The following ATP2C2 variants were observed in gnomAD, a reference collection of about 807,000 sequenced individuals.
The protein encoded by ATP2C2 is ATPase secretory pathway Ca2+ transporting 2, also known as calcium-transporting ATPase type 2C member 2.
In ATP2C2, 171 loss-of-function variants were observed where a neutral mutation model predicts 110.8. The ratio of observed to expected loss-of-function variants is 1.54; its 90% CI spans 1.36 to 1.75. ATP2C2 has a LOEUF of 1.75. ATP2C2 is among the 40% of genes most tolerant of loss of function. ATP2C2 has a pLI of 0.00. For synonymous variants in ATP2C2, 804 were observed against 508.4 expected, an observed-to-expected ratio of 1.58 and a Z score of -7.82; for missense variants, 1,963 against 1,235.0, an observed-to-expected ratio of 1.59 and a Z score of -8.84.
chr16:84,439,952 A>G (rs555687457), intron 13 of ATP2C2, among the ~76,000 whole-genome samples: 3 of 152,296 alleles, frequency 2.0e-5, no homozygotes, highest in Admixed American at 2.0e-4. Context: ...CTCCTGCCTC[A>G]GCTTCCCAAG....
rs778671429 is a variant in ATP2C2 at position 84,410,623 on chromosome 16, C to T, written c.453+20C>T. On this transcript the variant is annotated intron_variant, in intron 5 of 26. Coordinates refer to ENST00000262429, the MANE Select transcript of ATP2C2 (RefSeq NM_014861.4). ...ATCCAGGTGAGTATTTCCTGAGGTC[C>T]CAGTCAGGGTAAGCTGGGCGGGACA... is the stretch of plus-strand genomic sequence containing the variant. 8.1e-6 allele frequency: 13 copies of T among 1,613,886 alleles called. No homozygotes were observed. Among genetic ancestry groups the T allele is most frequent in the Non-Finnish European group, 1.1e-5 (13 of 1,179,950 alleles).
At chr16:84,453,101 G>A (rs1365472698) in intron 18 of ATP2C2, 37 bp from the exon 19 acceptor site, 6 of 1,569,822 alleles carry the variant, frequency 3.8e-6, no homozygotes, top group Non-Finnish European at 5.2e-6. Context: ...GGGGACGCGG[G>A]CCTCAGAGCA....
rs1452240213 is a variant in ATP2C2 at position 84,400,927 on chromosome 16, C to T, written c.210+2318C>T. On this transcript the variant is annotated intron_variant, in intron 2 of 26. Coordinates refer to ENST00000262429, the MANE Select transcript of ATP2C2 (RefSeq NM_014861.4). ...TTAAAAACAGATTATTAGGTTTTCTCCTATAGAGTTGTTTGAGCTCTTTAT... is the reference window on the plus strand; with the variant it reads ...TTAAAAACAGATTATTAGGTTTTCTTCTATAGAGTTGTTTGAGCTCTTTAT... Among the ~76,000 whole-genome samples the T allele has an allele frequency of 2.0e-5, 3 of 152,166 alleles. No homozygotes were observed. The South Asian group carries it at 6.2e-4, about 32-fold the overall frequency.
intron 7 of ATP2C2, among the ~76,000 whole-genome samples, chr16:84,418,209 G>A (rs1907006640): frequency 6.6e-6 from 1 of 152,234 alleles, no homozygotes; most frequent in African/African-American, 2.4e-5. Context: ...TGAGCCCTGT[G>A]TGTGGGAGAT....
intron 6 of ATP2C2, among the ~76,000 whole-genome samples, chr16:84,411,155 C>T (rs1028328936): frequency 6.6e-5 from 10 of 152,050 alleles, no homozygotes; most frequent in Non-Finnish European, 1.0e-4. Flanking sequence ...GAGTGAGATC[C>T]AGGTCTTTAA....
intron 1 of ATP2C2, among the ~76,000 whole-genome samples, chr16:84,396,922 A>G (rs1905020714): frequency 2.0e-5 from 3 of 151,888 alleles, no homozygotes; most frequent in South Asian, 2.1e-4. Flanking sequence ...CAGCTTTTCT[A>G]AGCAAATAGG....
intron 13 of ATP2C2, among the ~76,000 whole-genome samples, chr16:84,440,137 C>A (rs553521995): frequency 2.8e-4 from 42 of 152,240 alleles, no homozygotes; most frequent in Admixed American, 6.5e-4. Context: ...CACGCCCAGC[C>A]TGTTTTATTT....
intron 15 of ATP2C2, among the ~76,000 whole-genome samples, chr16:84,444,756 A>T (rs948280382): frequency 3.9e-5 from 6 of 152,156 alleles, no homozygotes; most frequent in African/African-American, 7.2e-5. Context: ...TTGATGTGTT[A>T]TAATTTTCCT....
intron 11 of ATP2C2, among the ~76,000 whole-genome samples, chr16:84,434,772 C>T (rs904842175): frequency 1.3e-5 from 2 of 152,118 alleles, no homozygotes; most frequent in African/African-American, 4.8e-5. Context: ...TCCGTTTCTG[C>T]GTTTCAAAGT....
chr16:84,459,419 C>G (rs1262286216), intron 23 of ATP2C2, 33 bp downstream of exon 23: 6 of 1,608,820 alleles, frequency 3.7e-6, no homozygotes, highest in Non-Finnish European at 5.1e-6. Context: ...CCCTGTGTCT[C>G]TTTACCCACC....
chr16:84,405,683 G>T (rs1207108258), intron 3 of ATP2C2, among the ~76,000 whole-genome samples: 1 of 152,122 alleles, frequency 6.6e-6, no homozygotes, highest in African/African-American at 2.4e-5. Context: ...ACTTTGGGCG[G>T]CTGAAGCGGG....
chr16:84,439,663 T>C lies in ATP2C2; in HGVS notation c.1209+139T>C. On this transcript the variant is annotated intron_variant, in intron 13 of 26. Coordinates refer to ENST00000262429, the MANE Select transcript of ATP2C2 (RefSeq NM_014861.4). Reference sequence around the variant, plus strand: ...TCATCTTATAATCTCCTTGCTAACATGACTGATTTTGTTTTTAATCATCCC... The same window carrying C: ...TCATCTTATAATCTCCTTGCTAACACGACTGATTTTGTTTTTAATCATCCC... 6.2e-6 allele frequency: 5 copies of C among 801,328 alleles called. No individual in the cohort carries two copies. In the South Asian group the frequency reaches 8.6e-5, roughly 14 times the overall value. 49.6% of individuals were successfully genotyped at this position (801,328 alleles called of 1,614,324 possible).
At chr16:84,412,472 CTGTGCATGTGTATG>C (rs1455508819) in intron 6 of ATP2C2, among the ~76,000 whole-genome samples, 2 of 137,018 alleles carry the variant, frequency 1.5e-5, no homozygotes, top group South Asian at 2.3e-4. Context: ...GTGTGTGTGT[CTGTGCATGTGTATG>C]TGTGCATGTG....
Position 84,454,925 on chromosome 16 carries a change from G to A in ATP2C2, c.2088G>A (p.Thr696=), listed in dbSNP as rs567515983. 49 of 1,613,978 alleles carry A rather than the reference G, an allele frequency of 3.0e-5. No individual in the cohort carries two copies. In the Middle Eastern group the frequency reaches 9.9e-4, roughly 33 times the overall value. Residue 696 remains threonine (T), a synonymous_variant, in exon 21 of 27, where the codon ACG becomes ACA. Coordinates refer to ENST00000262429, the MANE Select transcript of ATP2C2 (RefSeq NM_014861.4). ...DIGIAMGQTG[T]DVSKEAANMI... ...GGATCGCCATGGGGCAGACAGGGACGGACGTCAGCAAAGAGGCCGCCAACA... is the reference window on the plus strand; with the variant it reads ...GGATCGCCATGGGGCAGACAGGGACAGACGTCAGCAAAGAGGCCGCCAACA...
At chr16:84,371,252 C>G (rs553417290) in intron 1 of ATP2C2, among the ~76,000 whole-genome samples, 1 of 152,198 alleles carries the variant, frequency 6.6e-6, no homozygotes, top group East Asian at 1.9e-4. Context: ...CGCAGTGGCT[C>G]ATGCCTGTCA....
intron 24 of ATP2C2, 143 bp from the exon 25 acceptor site, chr16:84,461,571 G>C: frequency 1.3e-6 from 1 of 757,418 alleles, no homozygotes; most frequent in Non-Finnish European, 2.3e-6. Context: ...CTCACACCTG[G>C]AGGAAGCTGT....
intron 1 of ATP2C2, among the ~76,000 whole-genome samples, chr16:84,397,655 C>CAAAAAAAAAAAAAAAAAAAA (rs58934576): frequency 0.011 from 723 of 63,430 alleles, 119 homozygotes; most frequent in Middle Eastern, 0.03. Flanking sequence ...GCCTGGGTGA[C>CAAAAAAAAAAAAAAAAAAAA]AAAAAAAAAA....
intron 7 of ATP2C2, among the ~76,000 whole-genome samples, chr16:84,416,703 C>T (rs958231886): frequency 1.7e-4 from 26 of 152,242 alleles, no homozygotes; most frequent in African/African-American, 4.8e-4. Context: ...GGAGGGTTCG[C>T]CCTCGGGCTC....
chr16:84,460,081 G>T (rs1212583427), intron 23 of ATP2C2: 4 of 198,540 alleles, frequency 2.0e-5, no homozygotes, highest in African/African-American at 9.3e-5. Flanking sequence ...GCTGCCAAGG[G>T]AAAGAGAGTC....
Sources: gnomAD v4.1 joint callset for allele counts (sites outside exome capture counted in the v4.1 genomes callset) on GRCh38, gnomAD v4.1.1 for gene constraint, MANE v1.5 for transcripts, NCBI Gene and HGNC (gene_info 2026-07-23, HGNC 2026-07-21) for gene names.